The following NAALADL2 variants were observed in gnomAD, a reference collection of about 807,000 sequenced individuals.
NAALADL2 encodes the protein N-acetylated alpha-linked acidic dipeptidase like 2.
NAALADL2 carries 76 observed loss-of-function variants against 87.2 expected under a neutral mutation model. The observed-to-expected ratio is 0.87, with a 90% confidence interval of 0.72 to 1.05. NAALADL2 has a LOEUF of 1.05. NAALADL2 is among the 50% of genes least tolerant of loss of function. The pLI, the probability that NAALADL2 is intolerant of heterozygous loss-of-function variation, is 0.00. For missense variants in NAALADL2, 1,089 were observed against 945.8 expected (o/e 1.15, Z -1.99); for synonymous variants, 354 against 331.0 (o/e 1.07, Z -0.75).
At chr3:175,366,391 G>A (rs1765571449) in intron 5 of NAALADL2, among the ~76,000 whole-genome samples, 1 of 151,882 alleles carries the variant, frequency 6.6e-6, no homozygotes, top group South Asian at 2.1e-4. Context: ...GGATTGGTGG[G>A]TCAAATGGTA....
At chr3:174,575,537 C>T (rs983633588) in intron 2 of NAALADL2, among the ~76,000 whole-genome samples, 1 of 152,094 alleles carries the variant, frequency 6.6e-6, no homozygotes, top group African/African-American at 2.4e-5. Flanking sequence ...TTAAAGCATT[C>T]ACGAATATTG....
chr3:175,384,159 C>T (rs9883274), intron 5 of NAALADL2, among the ~76,000 whole-genome samples: 69,344 of 151,806 alleles, frequency 0.46, 16,114 homozygotes, highest in East Asian at 0.62. Context: ...TGAGAACTTG[C>T]CTCTAGTGAA....
intron 1 of NAALADL2, among the ~76,000 whole-genome samples, chr3:174,875,112 C>CAAAAAAA (rs10547300): frequency 1.2e-4 from 5 of 41,532 alleles, no homozygotes; most frequent in Non-Finnish European, 1.3e-4. Flanking sequence ...GACCCTGTCT[C>CAAAAAAA]AAAAAAAAAA....
chr3:174,601,774 T>C (rs1030647960), intron 2 of NAALADL2, among the ~76,000 whole-genome samples: 9 of 152,214 alleles, frequency 5.9e-5, no homozygotes, highest in Non-Finnish European at 1.3e-4. Flanking sequence ...GTTTCTTAGA[T>C]TGAAGTCTTA....
chr3:175,484,490 A>T (rs1398769237), intron 9 of NAALADL2, among the ~76,000 whole-genome samples: 2 of 152,116 alleles, frequency 1.3e-5, no homozygotes, highest in Non-Finnish European at 2.9e-5. Context: ...GTTGCCATTA[A>T]TTCTAAGAAA....
At chr3:175,708,817 C>T (rs1286948564) in intron 11 of NAALADL2, among the ~76,000 whole-genome samples, 1 of 139,772 alleles carries the variant, frequency 7.2e-6, no homozygotes, top group East Asian at 2.0e-4. Context: ...CCTTTTATAC[C>T]CAGAGAATAA....
intron 2 of NAALADL2, among the ~76,000 whole-genome samples, chr3:174,677,204 T>C (rs1409140387): frequency 2.0e-5 from 3 of 152,032 alleles, no homozygotes; most frequent in African/African-American, 4.8e-5. Flanking sequence ...TTGACACATA[T>C]GTTTGTGACC....
At chr3:174,582,207 C>T (rs907854300) in intron 2 of NAALADL2, among the ~76,000 whole-genome samples, 3 of 152,052 alleles carry the variant, frequency 2.0e-5, no homozygotes, top group Admixed American at 6.6e-5. Context: ...TGAAGGTTTT[C>T]GTGGAATACT....
chr3:174,446,950 C>T lies in NAALADL2; in HGVS notation c.-184+5918C>T, dbSNP rs117411201. Among the ~76,000 whole-genome samples the T allele has an allele frequency of 6.9e-3, 1,055 of 152,094 alleles. 37 individuals are homozygous for T. The highest frequency in any genetic ancestry group is 0.057 in the Admixed American group (865 of 15,276). Reference sequence around the variant, plus strand: ...CTTAAGAAACCTTGTGGTTCTGGACCCCTTTTTTGCATTTAATTTTGCTAG... The same window carrying T: ...CTTAAGAAACCTTGTGGTTCTGGACTCCTTTTTTGCATTTAATTTTGCTAG... On this transcript the variant is annotated intron_variant, in intron 1 of 3. Transcript: ENST00000434257.
intron 4 of NAALADL2, among the ~76,000 whole-genome samples, chr3:175,319,974 G>C (rs1759636258): frequency 6.6e-6 from 1 of 152,192 alleles, no homozygotes; most frequent in South Asian, 2.1e-4. Flanking sequence ...GTGCTGCCTT[G>C]CTTACTCCAC....
At chr3:175,111,571 G>T (rs1331863926) in intron 2 of NAALADL2, among the ~76,000 whole-genome samples, 1 of 151,548 alleles carries the variant, frequency 6.6e-6, no homozygotes, top group African/African-American at 2.4e-5. Context: ...TAATTTTTAG[G>T]AAAATAAAAG....
intron 2 of NAALADL2, among the ~76,000 whole-genome samples, chr3:174,599,842 A>G (rs1264868118): frequency 6.6e-6 from 1 of 152,124 alleles, no homozygotes; most frequent in African/African-American, 2.4e-5. Flanking sequence ...AAAAACAATG[A>G]AAGCCTTAGT....
At chr3:175,763,083 C>CAAAT (rs34773320) in intron 13 of NAALADL2, among the ~76,000 whole-genome samples, 29,251 of 148,678 alleles carry the variant, frequency 0.2, 3,114 homozygotes, top group African/African-American at 0.28. Context: ...GACTCTGACT[C>CAAAT]AAATAAATAA....
intron 2 of NAALADL2, among the ~76,000 whole-genome samples, chr3:174,616,093 C>T (rs1289766940): frequency 1.3e-5 from 2 of 151,704 alleles, no homozygotes; most frequent in Admixed American, 6.6e-5. Context: ...CTAATTTGCC[C>T]CCCTGTACCC....
chr3:175,748,209 C>T (rs1187237498), intron 12 of NAALADL2, among the ~76,000 whole-genome samples: 1 of 152,146 alleles, frequency 6.6e-6, no homozygotes, highest in Admixed American at 6.5e-5. Context: ...ATCGCTCTCA[C>T]ATTTTTTCAC....
At chr3:175,084,169 G>T (rs1177943571) in intron 1 of NAALADL2, among the ~76,000 whole-genome samples, 1 of 152,176 alleles carries the variant, frequency 6.6e-6, no homozygotes, top group African/African-American at 2.4e-5. Flanking sequence ...TTGAGTGGTG[G>T]TCTGGTTATT....
intron 13 of NAALADL2, among the ~76,000 whole-genome samples, chr3:175,793,016 G>T (rs1413670055): frequency 6.6e-6 from 1 of 152,160 alleles, no homozygotes; most frequent in South Asian, 2.1e-4. Context: ...TCAAATGTAC[G>T]TGCCAACATT....
At chr3:175,458,333 C>T (rs912628229) in intron 6 of NAALADL2, among the ~76,000 whole-genome samples, 2 of 151,382 alleles carry the variant, frequency 1.3e-5, no homozygotes, top group African/African-American at 2.4e-5. Context: ...TATCTATACA[C>T]TCAGATTTAT....
intron 11 of NAALADL2, among the ~76,000 whole-genome samples, chr3:175,698,503 A>ATATATATATATATAT (rs1491393693): frequency 2.1e-5 from 3 of 141,314 alleles, no homozygotes; most frequent in Non-Finnish European, 4.5e-5. Flanking sequence ...ATATATATAT[A>ATATATATATATATAT]AAATCTCCAA....
Sources: allele counts gnomAD v4.1 joint callset (sites outside exome capture counted in the v4.1 genomes callset), GRCh38; gene constraint gnomAD v4.1.1; transcripts MANE v1.5; gene names NCBI Gene and HGNC (gene_info 2026-07-23, HGNC 2026-07-21).